JAG2: variants seen among roughly 807,000 people sequenced by gnomAD.
JAG2 encodes the protein protein jagged-2.
A neutral mutation model predicts 141.7 loss-of-function variants in JAG2; 46 were observed. The observed-to-expected ratio is 0.32, with a 90% confidence interval of 0.26 to 0.42. JAG2 has a LOEUF of 0.42. JAG2 is among the 10% of genes least tolerant of loss of function. JAG2 has a pLI of 1.00. For missense variants in JAG2, 1,500 were observed against 1,817.5 expected (o/e 0.83, Z 3.18); for synonymous variants, 862 against 763.5 (o/e 1.13, Z -2.13).
At chr14:105,146,050 A>G in intron 22 of JAG2, 77 bp from the exon 23 acceptor site, 2 of 1,546,700 alleles carry the variant, frequency 1.3e-6, no homozygotes, top group Non-Finnish European at 1.7e-6. Context: ...GAGAACCCAC[A>G]GGCAGGCACG....
intron 22 of JAG2, 66 bp downstream of exon 22, chr14:105,146,319 C>T: frequency 2.2e-6 from 3 of 1,380,342 alleles, no homozygotes; most frequent in South Asian, 1.2e-5. Flanking sequence ...CCTGATCTCA[C>T]AGAGTGGCCA....
chr14:105,147,932 G>C, intron 17 of JAG2, 44 bp from the exon 18 acceptor site: 1 of 1,461,870 alleles, frequency 6.8e-7, no homozygotes, highest in South Asian at 1.2e-5. Flanking sequence ...CTGGCCCTGG[G>C]CTGGCCCTGG....
chr14:105,146,537 A>G, intron 21 of JAG2, 37 bp from the exon 22 acceptor site: 1 of 1,603,596 alleles, frequency 6.2e-7, no homozygotes, highest in African/African-American at 1.3e-5. Flanking sequence ...AGCAGTGGGC[A>G]TCTGGCCCTC....
At position 105,155,771 on chromosome 14, in the gene JAG2, T is replaced by C. The variant is rs143241003; in HGVS notation, c.694A>G (p.Met232Val). The C allele has an allele frequency of 1.2e-5, 20 of 1,612,850 alleles. No individual in the cohort carries two copies. Among genetic ancestry groups the C allele is most frequent in the Non-Finnish European group, 1.4e-5 (17 of 1,179,938 alleles). ...CACTCCTTGCCCATCCAGCCGTCCA[T>C]GCAGGCCTTGTTGCCGTACTGGTCG... ...TCDQYGNKAC[M>V]DGWMGKECKE... The change falls in exon 4 of 26, where the codon ATG becomes GTG. Residue 232 changes from methionine (M) to valine (V), a missense_variant. This residue lies in a region of JAG2 where 875 missense variants were observed against 1,202.2 expected (regional missense o/e 0.73). Coordinates refer to ENST00000331782, the MANE Select transcript of JAG2 (RefSeq NM_002226.5).
intron 22 of JAG2, 124 bp from the exon 23 acceptor site, chr14:105,146,097 G>A (rs1255944008): frequency 3.4e-6 from 5 of 1,462,788 alleles, no homozygotes; most frequent in Admixed American, 4.0e-5. Flanking sequence ...CCAAGTCTGT[G>A]AGCCCCAGGG....
intron 18 of JAG2, 116 bp downstream of exon 18, chr14:105,147,656 G>C (rs1888268393): frequency 8.9e-7 from 1 of 1,125,674 alleles, no homozygotes; most frequent in South Asian, 1.3e-5. Context: ...GCCTTTTGCT[G>C]GGGGCAGGGG....
rs1888522243 is a variant in JAG2 at position 105,154,415 on chromosome 14, C to T, written c.788+1147G>A. 2.0e-5 allele frequency among the ~76,000 whole-genome samples: 3 copies of T among 152,104 alleles called. No individual in the cohort carries two copies. Among genetic ancestry groups the T allele is most frequent in the African/African-American group, 7.2e-5 (3 of 41,410 alleles). On this transcript the variant is annotated intron_variant, in intron 5 of 25. Transcript: ENST00000331782. The surrounding 1 kb of genome is among the most constrained non-coding windows in gnomAD (Gnocchi z 4.4). ...ACAGTGAGCGCCACGGCTCGAAGCC[C>T]GTGCCCACCCCAGACCCTGGGCCCC...
intron 20 of JAG2, 75 bp downstream of exon 20, chr14:105,147,251 C>T (rs1455700159): frequency 1.5e-5 from 17 of 1,158,122 alleles, no homozygotes; most frequent in Admixed American, 5.9e-5. Flanking sequence ...GGGACGTGGA[C>T]GTTGATGTCC....
At chr14:105,143,241 G>C (rs1888118311) in intron 25 of JAG2, 71 bp from the exon 26 acceptor site, 3 of 1,508,138 alleles carry the variant, frequency 2.0e-6, no homozygotes, top group Admixed American at 1.9e-5. Flanking sequence ...CACACACCCA[G>C]GCCTGGGAGG....
intron 3 of JAG2, among the ~76,000 whole-genome samples, chr14:105,157,198 T>A (rs1888607899): frequency 6.6e-6 from 1 of 152,108 alleles, no homozygotes; most frequent in African/African-American, 2.4e-5. Context: ...CCAGCCTCCA[T>A]GATCTGAGCC....
At chr14:105,148,638 T>C (rs2140975244) in intron 15 of JAG2, 107 bp downstream of exon 15, 1 of 1,109,356 alleles carries the variant, frequency 9.0e-7, no homozygotes, top group South Asian at 1.4e-5. Flanking sequence ...GGCCAGGCCT[T>C]TCTGGGTACG....
At chr14:105,156,440 G>A (rs945462197) in intron 3 of JAG2, among the ~76,000 whole-genome samples, 2 of 152,062 alleles carry the variant, frequency 1.3e-5, no homozygotes, top group Admixed American at 1.3e-4. Flanking sequence ...CCTCTCCTGC[G>A]CTGTGACTTG....
At chr14:105,156,037 C>T in intron 3 of JAG2, 48 bp from the exon 4 acceptor site, 2 of 1,590,956 alleles carry the variant, frequency 1.3e-6, no homozygotes, top group Non-Finnish European at 1.7e-6. Flanking sequence ...CCAGCCCGGC[C>T]AGGGGTCCTC....
Position 105,144,963 on chromosome 14 carries a change from C to G in JAG2, c.3051G>C (p.Ala1017=). Residue 1017 remains alanine, a synonymous_variant, in exon 24 of 26, where the codon GCG becomes GCC. Transcript: ENST00000331782. Reference sequence around the variant, plus strand: ...CCTCCACAGCACTGGCCCCCGAGGACGCCCGGTCGCAAAGCAACACCAGCA... The same window carrying G: ...CCTCCACAGCACTGGCCCCCGAGGAGGCCCGGTCGCAAAGCAACACCAGCA... The part of the protein sequence containing the change: ...DRLLVLLCDR[A]SSGASAVEVA... The G allele has an allele frequency of 6.2e-7, 1 of 1,604,460 alleles. No homozygotes were observed. The highest frequency in any genetic ancestry group is 1.7e-4 in the Middle Eastern group (1 of 6,042).
Position 105,146,717 on chromosome 14 carries a change from G to A in JAG2, c.2487C>T (p.Asp829=), listed in dbSNP as rs903674316. Residue 829 remains aspartate (D), a synonymous_variant, in exon 21 of 26, where the codon GAC becomes GAT. Coordinates refer to ENST00000331782, the MANE Select transcript of JAG2 (RefSeq NM_002226.5). ...AGGCACAGGGCGAGGACTGGCACTC[G>A]TCGATGTCTGCAGGGAGAGCCACCG... ...FAGPDCRINI[D]ECQSSPCAYG... is the part of the protein sequence containing the mutation. 1.2e-5 allele frequency: 20 copies of A among 1,611,642 alleles called. No homozygotes were observed. The highest frequency in any genetic ancestry group is 2.7e-5 in the African/African-American group (2 of 74,908).
At position 105,148,937 on chromosome 14, in the gene JAG2, T is replaced by C. The variant is rs1445576753; in HGVS notation, c.1906A>G (p.Asn636Asp). 5.0e-6 allele frequency: 8 copies of C among 1,605,208 alleles called. No homozygotes were observed. Among genetic ancestry groups the C allele is most frequent in the Non-Finnish European group, 6.8e-6 (8 of 1,176,748 alleles). ...SGFTGTYCHE[N>D]IDDCLGQPCR... ...CAGCCCGCCGTTCGTGGCCACTCACTCTCATGGCAGTAGGTGCCAGTAAAG... is the reference window on the plus strand; with the variant it reads ...CAGCCCGCCGTTCGTGGCCACTCACCCTCATGGCAGTAGGTGCCAGTAAAG... The change falls in exon 14 of 26, where the codon AAC becomes GAC. Residue 636 changes from asparagine (N) to aspartate (D), a missense_variant and splice_region_variant. Around this residue, in one of 3 missense-constraint regions of JAG2, gnomAD observed 875 missense variants for 1,202.2 expected, o/e 0.73. Transcript: ENST00000331782.
At chr14:105,166,939 G>A (rs1001863247) in intron 2 of JAG2, among the ~76,000 whole-genome samples, 8 of 152,170 alleles carry the variant, frequency 5.3e-5, no homozygotes, top group Admixed American at 1.3e-4. Context: ...CAGGCAATGA[G>A]GTAAGGCGCC....
rs1888087688 is a variant in JAG2 at position 105,142,551 on chromosome 14, T to C, written c.*144A>G. Reference sequence around the variant, plus strand: ...TAATTTATACAAGGTTAAAGAAACGTAGAAAATAAACATTTGGTTTTTGTT... The same window carrying C: ...TAATTTATACAAGGTTAAAGAAACGCAGAAAATAAACATTTGGTTTTTGTT... On this transcript the variant is annotated 3_prime_UTR_variant, in exon 26 of 26. Coordinates refer to ENST00000331782, the MANE Select transcript of JAG2 (RefSeq NM_002226.5). The C allele has an allele frequency of 1.6e-6, 1 of 628,794 alleles. No individual in the cohort carries two copies. Among genetic ancestry groups the C allele is most frequent in the South Asian group, 2.0e-5 (1 of 50,532 alleles). The allele number at this position is 628,794 out of a possible 1,614,324, so 39.0% of individuals were successfully genotyped here.
At chr14:105,158,921 C>G (rs1488301344) in intron 2 of JAG2, among the ~76,000 whole-genome samples, 1 of 152,054 alleles carries the variant, frequency 6.6e-6, no homozygotes, top group African/African-American at 2.4e-5. Context: ...AACCACACTT[C>G]CCCAGCAAGG....
Sources: gnomAD v4.1 joint callset for allele counts (sites outside exome capture counted in the v4.1 genomes callset) on GRCh38, gnomAD v4.1.1 for gene constraint, gnomAD v4.1.1 regional missense constraint, Gnocchi (gnomAD v3.1) non-coding constraint, MANE v1.5 for transcripts, NCBI Gene and HGNC (gene_info 2026-07-23, HGNC 2026-07-21) for gene names.